Variants in TCF4 observed in about 807,000 individuals in gnomAD.
TCF4 encodes transcription factor 4.
In TCF4, 3 loss-of-function variants were observed where a neutral mutation model predicts 82.1. The ratio of observed to expected loss-of-function variants is 0.04; its 90% CI spans 0.02 to 0.09. TCF4 has a LOEUF of 0.09. Ranked by LOEUF, TCF4 falls within the 10% of genes least tolerant of loss-of-function variation. The pLI, the probability that TCF4 is intolerant of heterozygous loss-of-function variation, is 1.00. For missense variants in TCF4, 518 were observed against 852.7 expected, an observed-to-expected ratio of 0.61 and a Z score of 4.89; for synonymous variants, 276 against 309.6, an observed-to-expected ratio of 0.89 and a Z score of 1.14.
chr18:55,269,475 T>C, intron 11 of TCF4: 1 of 330,540 alleles, frequency 3.0e-6, no homozygotes, highest in Non-Finnish European at 5.9e-6. Flanking sequence ...GGTCAATAAC[T>C]ACCATTAAGA....
intron 2 of TCF4, among the ~76,000 whole-genome samples, chr18:55,598,285 G>C (rs932332818): frequency 3.9e-5 from 6 of 152,192 alleles, no homozygotes; most frequent in African/African-American, 1.4e-4. Flanking sequence ...AGATGAGAAG[G>C]CTAGAGAGTA....
intron 3 of TCF4, among the ~76,000 whole-genome samples, chr18:55,506,945 C>T (rs959544437): frequency 2.6e-5 from 4 of 151,760 alleles, no homozygotes; most frequent in Non-Finnish European, 4.4e-5. Flanking sequence ...TCACTGCAAC[C>T]TCCGCCTCTC....
intron 15 of TCF4, among the ~76,000 whole-genome samples, chr18:55,247,670 G>A (rs1034451834): frequency 5.3e-5 from 8 of 152,178 alleles, no homozygotes; most frequent in African/African-American, 1.2e-4. Flanking sequence ...AGGCATCCTT[G>A]CTAAACTAGG....
At position 55,259,985 on chromosome 18, in the gene TCF4, G is replaced by C. The variant is rs760747809; in HGVS notation, c.1033C>G (p.Pro345Ala). The change falls in exon 13 of 20, where the codon CCT (proline) becomes GCT (alanine). Residue 345 changes from proline (P) to alanine (A), a missense_variant. Physicochemically the swap from Pro to Ala is conservative, Grantham distance 27. This residue lies in a region of TCF4 where 211 missense variants were observed against 327.4 expected (regional missense o/e 0.64). Transcript: ENST00000354452. ...GGAGGAGAGCCAACAGGAGTTGAAG[G>C]GTTTGATGAAAAGCTGTTGTTAGTG... ...DHTNNSFSSN[P>A]STPVGSPPSL... The C allele has an allele frequency of 5.0e-6, 8 of 1,613,350 alleles. No individual in the cohort carries two copies. Among genetic ancestry groups the C allele is most frequent in the Non-Finnish European group, 5.9e-6 (7 of 1,179,576 alleles).
At chr18:55,486,467 CT>C (rs1323267255) in intron 3 of TCF4, among the ~76,000 whole-genome samples, 1 of 152,158 alleles carries the variant, frequency 6.6e-6, no homozygotes, top group African/African-American at 2.4e-5. Context: ...TGGCGCACAC[CT>C]GTAATCCCAG....
At chr18:55,606,310 T>C (rs1284286346) in intron 2 of TCF4, among the ~76,000 whole-genome samples, 2 of 152,178 alleles carry the variant, frequency 1.3e-5, no homozygotes, top group Non-Finnish European at 2.9e-5. Flanking sequence ...TTTATCCCAT[T>C]ACTTTTGAGA....
At chr18:55,311,836 T>A (rs902885379) in intron 8 of TCF4, among the ~76,000 whole-genome samples, 1 of 152,186 alleles carries the variant, frequency 6.6e-6, no homozygotes, top group African/African-American at 2.4e-5. Flanking sequence ...TGCAGAAAAA[T>A]TTCTGAGGAA....
chr18:55,536,794 G>C (rs1032447610), intron 3 of TCF4, among the ~76,000 whole-genome samples: 2 of 152,186 alleles, frequency 1.3e-5, no homozygotes, highest in African/African-American at 4.8e-5. Flanking sequence ...AATTTTGTAT[G>C]TATGTATATT....
At chr18:55,349,921 T>G (rs926215743) in intron 8 of TCF4, among the ~76,000 whole-genome samples, 2 of 152,110 alleles carry the variant, frequency 1.3e-5, no homozygotes, top group Non-Finnish European at 2.9e-5. Flanking sequence ...CTCCAGAAAA[T>G]AGAGACATTC....
At chr18:55,460,706 T>C (rs191280580) in intron 5 of TCF4, among the ~76,000 whole-genome samples, 41 of 152,352 alleles carry the variant, frequency 2.7e-4, no homozygotes, top group Non-Finnish European at 4.7e-4. Context: ...TGACTTCATC[T>C]ACCTTAACTT....
intron 8 of TCF4, among the ~76,000 whole-genome samples, chr18:55,283,866 ATTGT>A (rs1205553118): frequency 5.9e-5 from 9 of 152,190 alleles, no homozygotes; most frequent in Non-Finnish European, 1.0e-4. Context: ...TCTTGTTGCC[ATTGT>A]TTGTATTATT....
chr18:55,413,496 A>C (rs2094428066), intron 5 of TCF4, among the ~76,000 whole-genome samples: 1 of 152,148 alleles, frequency 6.6e-6, no homozygotes, highest in South Asian at 2.1e-4. Context: ...CATAATAATA[A>C]CCAAACTGCC....
At chr18:55,257,824 G>C (rs1008032478) in intron 13 of TCF4, among the ~76,000 whole-genome samples, 2 of 152,066 alleles carry the variant, frequency 1.3e-5, no homozygotes, top group African/African-American at 2.4e-5. Flanking sequence ...ACAATCTTTA[G>C]AAAAAGATAA....
chr18:55,631,375 T>TTAG (rs1252482884), exon 2 of TCF4: 2 of 1,548,344 alleles, frequency 1.3e-6, no homozygotes, highest in Non-Finnish European at 1.7e-6. Context: ...AGATTGGTGT[T>TTAG]TACAAAACAT....
At chr18:55,587,736 G>C (rs1476439336) in intron 1 of TCF4, among the ~76,000 whole-genome samples, 2 of 151,666 alleles carry the variant, frequency 1.3e-5, no homozygotes, top group East Asian at 3.9e-4. Flanking sequence ...GAGCGGAGTG[G>C]AGGGTCGGGT....
intron 8 of TCF4, among the ~76,000 whole-genome samples, chr18:55,297,314 T>C (rs889641768): frequency 6.6e-6 from 1 of 151,858 alleles, no homozygotes; most frequent in Non-Finnish European, 1.5e-5. Context: ...AGTCTGAGTA[T>C]AATTCTTTCA....
chr18:55,606,763 G>A (rs561326476), intron 2 of TCF4, among the ~76,000 whole-genome samples: 1 of 152,186 alleles, frequency 6.6e-6, no homozygotes, highest in Non-Finnish European at 1.5e-5. Context: ...TTGTTCTCCT[G>A]GTGACAACTG....
intron 8 of TCF4, among the ~76,000 whole-genome samples, chr18:55,294,919 A>C (rs1242063208): frequency 1.3e-5 from 2 of 152,200 alleles, no homozygotes; most frequent in African/African-American, 2.4e-5. Flanking sequence ...AATTATAACA[A>C]ACCAAGAGTC....
intron 15 of TCF4, among the ~76,000 whole-genome samples, chr18:55,245,924 A>G (rs2052992768): frequency 6.6e-6 from 1 of 152,242 alleles, no homozygotes. Flanking sequence ...AAGCATCTGA[A>G]GCACAGCAGA....
Sources: allele counts gnomAD v4.1 joint callset (sites outside exome capture counted in the v4.1 genomes callset), GRCh38; gene constraint gnomAD v4.1.1; regional missense constraint gnomAD v4.1.1; transcripts MANE v1.5; gene names NCBI Gene and HGNC (gene_info 2026-07-23, HGNC 2026-07-21).